The following PHACTR1 variants were observed in gnomAD, a reference collection of about 807,000 sequenced individuals.
The protein encoded by PHACTR1 is phosphatase and actin regulator 1, also known as RPEL repeat containing 1.
Under a neutral mutation model 69.2 loss-of-function variants are expected in PHACTR1, and 16 were observed. The ratio of observed to expected loss-of-function variants is 0.23; its 90% CI spans 0.16 to 0.35. The LOEUF (loss-of-function observed/expected upper bound fraction) is 0.35, where lower values mean the gene tolerates loss of function less well. PHACTR1 is among the 10% of genes least tolerant of loss of function. The probability of loss-of-function intolerance (pLI) is 1.00; values close to 1 mark genes in which losing one functional copy is unlikely to be tolerated. For synonymous variants in PHACTR1, 312 were observed against 284.5 expected, an observed-to-expected ratio of 1.10 and a Z score of -0.97; for missense variants, 510 against 734.7, an observed-to-expected ratio of 0.69 and a Z score of 3.54.
chr6:13,178,396 G>C (rs998015832), intron 6 of PHACTR1, among the ~76,000 whole-genome samples: 10 of 152,104 alleles, frequency 6.6e-5, no homozygotes, highest in Admixed American at 6.5e-4. Flanking sequence ...GTTTCTCTTG[G>C]CTCCTTTACT....
chr6:13,048,156 G>T (rs1805368904), intron 4 of PHACTR1, among the ~76,000 whole-genome samples: 1 of 152,152 alleles, frequency 6.6e-6, no homozygotes, highest in African/African-American at 2.4e-5. Context: ...TGTTCTCTTG[G>T]ATGGTAGAGC....
At chr6:13,128,741 G>A (rs1457059774) in intron 5 of PHACTR1, among the ~76,000 whole-genome samples, 1 of 152,142 alleles carries the variant, frequency 6.6e-6, no homozygotes, top group Non-Finnish European at 1.5e-5. Flanking sequence ...GGGAATAATT[G>A]AGGAAAACTT....
chr6:12,953,471 A>G (rs1259186265), intron 4 of PHACTR1, among the ~76,000 whole-genome samples: 1 of 152,246 alleles, frequency 6.6e-6, no homozygotes, highest in Non-Finnish European at 1.5e-5. Context: ...AAACAAAAAT[A>G]CATGCCTTAG....
Position 12,724,704 on chromosome 6 carries a change from G to A in PHACTR1, c.103+5857G>A, listed in dbSNP as rs1425797671. ...ACACTTCCAGGGATGGTCAAGCTGT[G>A]GCTCAGAGTCATTCTGCTGGGAACT... On this transcript the variant is annotated intron_variant, in intron 3 of 14. Coordinates refer to ENST00000332995, the MANE Select transcript of PHACTR1 (RefSeq NM_030948.6). Among the ~76,000 whole-genome samples the A allele has an allele frequency of 3.3e-5, 5 of 152,272 alleles. No individual in the cohort carries two copies. The East Asian group carries it at 9.7e-4, about 29-fold the overall frequency.
In PHACTR1 at chr6:12,861,962, A is replaced by ATG. The variant is rs918920673; in HGVS notation, c.250+112184_250+112185dup. ...TAAAGTACCATGTATGTATTACAAA[A>ATG]TGTGTGTGTGTGTATCATAAAACTA... On this transcript the variant is annotated intron_variant, in intron 4 of 14. Transcript: ENST00000332995. Among the ~76,000 whole-genome samples, 12 of 152,236 alleles carry ATG rather than the reference A, an allele frequency of 7.9e-5. 1 individual carries two copies. The East Asian group carries it at 2.3e-3, about 29-fold the overall frequency.
intron 5 of PHACTR1, among the ~76,000 whole-genome samples, chr6:13,095,680 A>G (rs1375365541): frequency 2.0e-5 from 3 of 149,924 alleles, no homozygotes; most frequent in Non-Finnish European, 4.5e-5. Flanking sequence ...AGGGTGGAGG[A>G]AGGGACATGA....
At chr6:13,174,734 C>CT (rs1761089451) in intron 6 of PHACTR1, among the ~76,000 whole-genome samples, 2 of 151,346 alleles carry the variant, frequency 1.3e-5, no homozygotes, top group Admixed American at 1.3e-4. Context: ...CTCTCTCTCT[C>CT]CCCCTCCCTC....
chr6:13,211,664 A>G (rs1766866173), intron 8 of PHACTR1, among the ~76,000 whole-genome samples: 1 of 152,180 alleles, frequency 6.6e-6, no homozygotes, highest in African/African-American at 2.4e-5. Context: ...CTGGTTCCCC[A>G]CATCTGACTG....
intron 4 of PHACTR1, among the ~76,000 whole-genome samples, chr6:12,792,813 C>G (rs1005173281): frequency 6.6e-6 from 1 of 150,502 alleles, no homozygotes; most frequent in Non-Finnish European, 1.5e-5. Context: ...TTGATGTTTC[C>G]CACTATGTTT....
At chr6:12,842,578 C>T (rs905466898) in intron 4 of PHACTR1, among the ~76,000 whole-genome samples, 1 of 152,176 alleles carries the variant, frequency 6.6e-6, no homozygotes, top group Non-Finnish European at 1.5e-5. Flanking sequence ...CAATCTCACT[C>T]TCACTCAGGC....
intron 4 of PHACTR1, among the ~76,000 whole-genome samples, chr6:12,900,514 G>A (rs1014692792): frequency 6.6e-6 from 1 of 152,092 alleles, no homozygotes. Flanking sequence ...ACAACATGGC[G>A]AAACCCTGTC....
intron 8 of PHACTR1, among the ~76,000 whole-genome samples, chr6:13,221,280 G>T (rs1768572508): frequency 6.6e-6 from 1 of 152,146 alleles, no homozygotes; most frequent in Non-Finnish European, 1.5e-5. Context: ...AGATTGAAAG[G>T]AGTTGGAGGG....
At chr6:12,844,226 C>A (rs531151646) in intron 4 of PHACTR1, among the ~76,000 whole-genome samples, 1 of 151,984 alleles carries the variant, frequency 6.6e-6, no homozygotes, top group African/African-American at 2.4e-5. Flanking sequence ...AAGATTCCAT[C>A]GCTACAAAAA....
At chr6:13,109,590 A>G (rs1237175132) in intron 5 of PHACTR1, among the ~76,000 whole-genome samples, 3 of 152,010 alleles carry the variant, frequency 2.0e-5, no homozygotes, top group Non-Finnish European at 4.4e-5. Context: ...GAATAGTTTG[A>G]TTAAGGTATG....
intron 5 of PHACTR1, among the ~76,000 whole-genome samples, chr6:13,158,272 A>C (rs975236735): frequency 6.6e-6 from 1 of 152,136 alleles, no homozygotes; most frequent in African/African-American, 2.4e-5. Flanking sequence ...CAAGCTCTGA[A>C]TAGAACATCT....
chr6:12,868,598 A>G (rs190041980), intron 4 of PHACTR1, among the ~76,000 whole-genome samples: 4 of 124,628 alleles, frequency 3.2e-5, no homozygotes, highest in Non-Finnish European at 7.1e-5. Flanking sequence ...ACACATAATA[A>G]TAGCAGACAG....
chr6:13,128,289 T>TA lies in PHACTR1; in HGVS notation c.416-31905dup, dbSNP rs58481010. On this transcript the variant is annotated intron_variant, in intron 5 of 14. Coordinates refer to ENST00000332995, the MANE Select transcript of PHACTR1 (RefSeq NM_030948.6). Reference sequence around the variant, plus strand: ...CAGCTTCCCAGCAATGGATCCAAACTAAAAAAAAAATCTGAATTGTCAGAT... The same window carrying TA: ...CAGCTTCCCAGCAATGGATCCAAACTAAAAAAAAAAATCTGAATTGTCAGAT... Among the ~76,000 whole-genome samples, 43 of 138,612 alleles carry TA rather than the reference T, an allele frequency of 3.1e-4. No homozygotes were observed. The East Asian group carries it at 5.1e-3, about 16-fold the overall frequency. 90.9% of individuals were successfully genotyped at this position (138,612 alleles called of 152,430 possible).
At chr6:12,888,006 G>C (rs896279963) in intron 4 of PHACTR1, among the ~76,000 whole-genome samples, 4 of 138,482 alleles carry the variant, frequency 2.9e-5, no homozygotes, top group Non-Finnish European at 6.1e-5. Context: ...CCAGGAAGCA[G>C]AAGTTGCAGT....
At chr6:12,896,504 G>A (rs1190198845) in intron 4 of PHACTR1, among the ~76,000 whole-genome samples, 2 of 152,090 alleles carry the variant, frequency 1.3e-5, no homozygotes, top group African/African-American at 2.4e-5. Context: ...CCCGGATCAC[G>A]GAGGCCCACC....
Sources: gnomAD v4.1 joint callset for allele counts (sites outside exome capture counted in the v4.1 genomes callset) on GRCh38, gnomAD v4.1.1 for gene constraint, MANE v1.5 for transcripts, NCBI Gene and HGNC (gene_info 2026-07-23, HGNC 2026-07-21) for gene names.